The following RYR2 variants were observed in gnomAD, a reference collection of about 807,000 sequenced individuals.
RYR2 encodes cardiac muscle ryanodine receptor-calcium release channel.
A neutral mutation model predicts 601.1 loss-of-function variants in RYR2; 227 were observed. The ratio of observed to expected loss-of-function variants is 0.38; its 90% CI spans 0.34 to 0.42. The LOEUF is 0.42. Ranked by LOEUF, RYR2 falls within the 10% of genes least tolerant of loss-of-function variation. The pLI is 1.00. For missense variants in RYR2, 4,646 were observed against 6,156.5 expected (o/e 0.75, Z 8.21); for synonymous variants, 2,223 against 2,175.1 (o/e 1.02, Z -0.61).
chr1:237,130,237 CT>C (rs1672014577), intron 1 of RYR2, among the ~76,000 whole-genome samples: 2 of 152,000 alleles, frequency 1.3e-5, no homozygotes, highest in South Asian at 4.1e-4. Flanking sequence ...TGAATTATAC[CT>C]TTATAAAACT....
intron 1 of RYR2, among the ~76,000 whole-genome samples, chr1:237,080,903 G>A (rs1248897313): frequency 1.6e-5 from 1 of 60,974 alleles, no homozygotes; most frequent in African/African-American, 6.3e-5. Flanking sequence ...ATGATAGACT[G>A]GATTAAGAAA....
rs563028960 is a variant in RYR2, at chr1:237,502,842, A to G, written c.2397-447A>G. Among the ~76,000 whole-genome samples the G allele has an allele frequency of 9.9e-3, 1,506 of 152,212 alleles. 28 individuals are homozygous for G. Among genetic ancestry groups the G allele is most frequent in the African/African-American group, 0.032 (1,333 of 41,532 alleles). Reference sequence around the variant, plus strand: ...AAGTGAAAAAAGAATCTAAAAAAAAAAAAAGAAAAGAAAAGTGACTGGTTT... The same window carrying G: ...AAGTGAAAAAAGAATCTAAAAAAAAGAAAAGAAAAGAAAAGTGACTGGTTT... On this transcript the variant is annotated intron_variant, in intron 21 of 104. Transcript: ENST00000366574.
In RYR2 at chr1:237,705,250, G is replaced by A; in HGVS notation, c.9487G>A (p.Ala3163Thr). Residue 3163 changes from alanine (A) to threonine (T), a missense_variant, in exon 67 of 105, where the codon GCT becomes ACT. Physicochemically the swap from Ala to Thr is moderately conservative, Grantham distance 58. Around this residue, in one of 17 missense-constraint regions of RYR2, gnomAD observed 1,497 missense variants for 1,842.6 expected, o/e 0.81. Coordinates refer to ENST00000366574, the MANE Select transcript of RYR2 (RefSeq NM_001035.3). ...SALGECLAAF[A>T]GAFPVAFLET... is the part of the protein sequence containing the mutation. ...ATTAGGAGAATGTCTAGCTGCCTTT[G>A]CTGGTGCTTTTCCTGTAGCATTTTT... The A allele has an allele frequency of 6.2e-7, 1 of 1,607,502 alleles. No individual in the cohort carries two copies. The highest frequency in any genetic ancestry group is 8.5e-7 in the Non-Finnish European group (1 of 1,176,272).
intron 97 of RYR2, 126 bp from the exon 98 acceptor site, chr1:237,801,730 G>T: frequency 1.9e-6 from 1 of 532,424 alleles, no homozygotes; most frequent in Non-Finnish European, 3.4e-6. Context: ...ATCTGGGATA[G>T]AACTCGTTTC....
Position 237,702,042 on chromosome 1 carries a change from G to A in RYR2, c.9432G>A (p.Lys3144=), listed in dbSNP as rs367780360. 24 of 1,596,148 alleles carry A rather than the reference G, an allele frequency of 1.5e-5. No homozygotes were observed. Among genetic ancestry groups the A allele is most frequent in the Non-Finnish European group, 2.1e-5 (24 of 1,164,156 alleles). ...GCTTATATGCTTTGGGAACCAGCAA[G>A]AGTATTTACGTGGAGAGGTAAGAAT... The part of the protein sequence containing the change: ...LTSLYALGTS[K]SIYVERQRSA... Residue 3144 remains lysine (K), a synonymous_variant, in exon 66 of 105, where the codon AAG becomes AAA. Transcript: ENST00000366574.
At chr1:237,733,623 G>C in intron 78 of RYR2, 82 bp from the exon 79 acceptor site, 1 of 868,102 alleles carries the variant, frequency 1.2e-6, no homozygotes, top group East Asian at 2.4e-5. Flanking sequence ...AAAGAACAAA[G>C]GTTATTTTAA....
intron 1 of RYR2, among the ~76,000 whole-genome samples, chr1:237,133,359 G>A (rs1163784311): frequency 6.6e-6 from 1 of 152,166 alleles, no homozygotes; most frequent in Non-Finnish European, 1.5e-5. Context: ...GGTTTAGAAT[G>A]CATTTCCTAG....
intron 1 of RYR2, among the ~76,000 whole-genome samples, chr1:237,094,926 C>A (rs577988359): frequency 2.0e-5 from 3 of 152,234 alleles, no homozygotes; most frequent in South Asian, 4.1e-4. Context: ...ACAACCCAAG[C>A]CTTCATATAT....
rs1057523295 is a variant in RYR2 at position 237,830,633 on chromosome 1, G to A, written c.14756+3G>A. The A allele has an allele frequency of 1.3e-6, 2 of 1,515,512 alleles. No individual in the cohort carries two copies. Among genetic ancestry groups the A allele is most frequent in the African/African-American group, 1.4e-5 (1 of 72,884 alleles). The allele number at this position is 1,515,512 out of a possible 1,614,324, so 93.9% of individuals were successfully genotyped here. A position where few individuals can be genotyped will look rare whatever the true frequency, so the allele number is the denominator to read the frequency against. ...GAGCACAACTTGGCTAATTACTTGT[G>A]AGTGTGCCCGTTTCAGAATCTTCCA... is the stretch of plus-strand genomic sequence containing the variant. On this transcript the variant is annotated splice_donor_region_variant and intron_variant, in intron 103 of 104. Transcript: ENST00000366574.
At chr1:237,393,296 C>A (rs114071564) in intron 10 of RYR2, among the ~76,000 whole-genome samples, 2,963 of 152,290 alleles carry the variant, frequency 0.019, 57 homozygotes, top group Non-Finnish European at 0.027. Context: ...AAATGTGACT[C>A]AGCAGGAAAA....
chr1:237,808,450 C>T (rs373535332), intron 99 of RYR2, among the ~76,000 whole-genome samples: 5 of 151,898 alleles, frequency 3.3e-5, no homozygotes, highest in East Asian at 1.9e-4. Context: ...CGCCTGAGGT[C>T]GGGAGTTCGA....
At chr1:237,190,472 G>A (rs1203728765) in intron 1 of RYR2, among the ~76,000 whole-genome samples, 1 of 152,066 alleles carries the variant, frequency 6.6e-6, no homozygotes, top group African/African-American at 2.4e-5. Flanking sequence ...TTGCTGAGTT[G>A]CAGAAGTTTC....
At chr1:237,633,772 G>T in intron 43 of RYR2, 62 bp downstream of exon 43, 1 of 1,477,860 alleles carries the variant, frequency 6.8e-7, no homozygotes. Context: ...CATTTAAAAA[G>T]CAAACGTTTT....
At chr1:237,215,840 G>A (rs1451793982) in intron 1 of RYR2, among the ~76,000 whole-genome samples, 2 of 152,082 alleles carry the variant, frequency 1.3e-5, no homozygotes, top group Non-Finnish European at 2.9e-5. Flanking sequence ...TCATATTTTA[G>A]TAAGCCTAGG....
At chr1:237,219,448 A>G (rs1188115446) in intron 1 of RYR2, among the ~76,000 whole-genome samples, 2 of 152,112 alleles carry the variant, frequency 1.3e-5, no homozygotes, top group Non-Finnish European at 2.9e-5. Context: ...TTCTTAGAGG[A>G]GAGGAGCATT....
At chr1:237,297,776 G>A (rs971334151) in intron 2 of RYR2, among the ~76,000 whole-genome samples, 1 of 151,332 alleles carries the variant, frequency 6.6e-6, no homozygotes, top group Non-Finnish European at 1.5e-5. Flanking sequence ...TGAGACATGG[G>A]GTCTTGCTCT....
At chr1:237,142,735 C>T (rs766859950) in intron 1 of RYR2, among the ~76,000 whole-genome samples, 1 of 152,172 alleles carries the variant, frequency 6.6e-6, no homozygotes, top group Non-Finnish European at 1.5e-5. Flanking sequence ...GACCGCTAAG[C>T]CCTAGAGTGC....
intron 3 of RYR2, among the ~76,000 whole-genome samples, chr1:237,355,468 TTTG>T (rs780537131): frequency 8.5e-5 from 13 of 152,160 alleles, no homozygotes; most frequent in Non-Finnish European, 1.8e-4. Context: ...TTCAGAACTA[TTTG>T]TTAAGGCATG....
Position 237,402,924 on chromosome 1 carries a change from C to T in RYR2, c.774-14125C>T, listed in dbSNP as rs574731845. On this transcript the variant is annotated intron_variant, in intron 10 of 104. Transcript: ENST00000366574. ...AGCCTCCTGTCTCCACCCTCCTTCC[C>T]CCCAAAAAAGATTGGGAAATATAGA... 2.2e-3 allele frequency among the ~76,000 whole-genome samples: 314 copies of T among 142,670 alleles called. 1 individual carries two copies. The highest frequency in any genetic ancestry group is 4.0e-3 in the Non-Finnish European group (255 of 63,922). The allele number at this position is 142,670 out of a possible 152,430, so 93.6% of individuals were successfully genotyped here. A position where few individuals can be genotyped will look rare whatever the true frequency, so the allele number is the denominator to read the frequency against.
Sources: allele counts gnomAD v4.1 joint callset (sites outside exome capture counted in the v4.1 genomes callset), GRCh38; gene constraint gnomAD v4.1.1; regional missense constraint gnomAD v4.1.1; transcripts MANE v1.5; gene names NCBI Gene and HGNC (gene_info 2026-07-23, HGNC 2026-07-21).